The following ANK3 variants were observed in gnomAD, a reference collection of about 807,000 sequenced individuals.
The protein encoded by ANK3 is ankyrin 3, also known as ankyrin-3.
ANK3 carries 57 observed loss-of-function variants against 370.9 expected under a neutral mutation model. That is an observed-to-expected ratio of 0.15 (90% CI 0.12 to 0.19). ANK3 has a LOEUF of 0.19. Among genes scored for constraint, ANK3 ranks in the 10% least tolerant of loss-of-function variants. The pLI is 1.00. For synonymous variants in ANK3, 1,929 were observed against 1,946.3 expected, an observed-to-expected ratio of 0.99 and a Z score of 0.23; for missense variants, 4,439 against 5,302.1, an observed-to-expected ratio of 0.84 and a Z score of 5.06.
chr10:60,603,552 T>TC (rs2078092670), intron 2 of ANK3, among the ~76,000 whole-genome samples: 1 of 152,282 alleles, frequency 6.6e-6, no homozygotes, highest in Admixed American at 6.5e-5. Context: ...CTTCAAATAA[T>TC]TTAAATAGAA....
At chr10:60,569,355 T>C (rs879757345) in intron 2 of ANK3, among the ~76,000 whole-genome samples, 4 of 152,336 alleles carry the variant, frequency 2.6e-5, no homozygotes, top group East Asian at 1.9e-4. Context: ...CTGCCTCAGG[T>C]ACATGATCCC....
chr10:60,723,823 A>C (rs1487948952), intron 1 of ANK3, among the ~76,000 whole-genome samples: 1 of 152,102 alleles, frequency 6.6e-6, no homozygotes, highest in Non-Finnish European at 1.5e-5. Context: ...ATAAATTGAA[A>C]AGCAATCTGA....
At chr10:60,114,121 T>G (rs1244175871) in intron 26 of ANK3, 104 bp downstream of exon 26, 2 of 493,354 alleles carry the variant, frequency 4.1e-6, no homozygotes, top group African/African-American at 2.0e-5. Flanking sequence ...CATACATGAA[T>G]GTATTCATAT....
At chr10:60,436,088 CA>C (rs33919087) in intron 2 of ANK3, among the ~76,000 whole-genome samples, 1 of 145,120 alleles carries the variant, frequency 6.9e-6, no homozygotes, top group African/African-American at 2.5e-5. Flanking sequence ...GACTCCGTCT[CA>C]AAAAAAAATA....
At chr10:60,446,419 T>C (rs116684318) in intron 2 of ANK3, among the ~76,000 whole-genome samples, 1,536 of 152,310 alleles carry the variant, frequency 0.01, 30 homozygotes, top group African/African-American at 0.035. Flanking sequence ...ATATTGCTAG[T>C]GAGCCCCCCC....
chr10:60,152,077 T>C (rs2095148961), intron 23 of ANK3, among the ~76,000 whole-genome samples: 1 of 152,086 alleles, frequency 6.6e-6, no homozygotes, highest in African/African-American at 2.4e-5. Flanking sequence ...GAGACACAGG[T>C]AAATGTGTGG....
chr10:60,684,292 C>T (rs1316604625), intron 1 of ANK3, among the ~76,000 whole-genome samples: 1 of 152,180 alleles, frequency 6.6e-6, no homozygotes, highest in East Asian at 1.9e-4. Context: ...TGGCGCGTCG[C>T]GCCCACCTGG....
intron 2 of ANK3, among the ~76,000 whole-genome samples, chr10:60,538,326 A>T (rs1044595740): frequency 6.6e-6 from 1 of 151,916 alleles, no homozygotes; most frequent in Non-Finnish European, 1.5e-5. Context: ...TTTTCTGTAT[A>T]GTCAGGTGTA....
At chr10:60,096,387 C>T (rs968504238) in intron 28 of ANK3, among the ~76,000 whole-genome samples, 3 of 152,108 alleles carry the variant, frequency 2.0e-5, no homozygotes, top group African/African-American at 7.2e-5. Context: ...TGTTTTGTCC[C>T]ATCCTATACA....
chr10:60,516,279 C>A (rs1206687809), intron 2 of ANK3, among the ~76,000 whole-genome samples: 1 of 151,992 alleles, frequency 6.6e-6, no homozygotes, highest in Non-Finnish European at 1.5e-5. Context: ...TATCAAGAAC[C>A]TTGGCTGAAA....
chr10:60,106,943 A>G (rs2092251952), intron 27 of ANK3, among the ~76,000 whole-genome samples: 1 of 152,166 alleles, frequency 6.6e-6, no homozygotes, highest in African/African-American at 2.4e-5. Context: ...TTATTCTCCT[A>G]CAGAGGTTGT....
In ANK3 at chr10:60,139,057, T is replaced by C. The variant is rs113196400; in HGVS notation, c.2645A>G (p.Lys882Arg). 5.0e-6 allele frequency: 8 copies of C among 1,613,690 alleles called. No homozygotes were observed. Among genetic ancestry groups the C allele is most frequent in the Middle Eastern group, 1.7e-4 (1 of 6,056 alleles). ...GEDAMTGDTDKYLGPQDLKEL... is the reference protein window; with the variant it reads ...GEDAMTGDTDRYLGPQDLKEL... Reference sequence around the variant, plus strand: ...CTTAAGGTCCTGTGGCCCAAGATATTTGTCTGTGTCCCCGGTCATTGCATC... The same window carrying C: ...CTTAAGGTCCTGTGGCCCAAGATATCTGTCTGTGTCCCCGGTCATTGCATC... The change falls in exon 24 of 44, where the codon AAA becomes AGA. Residue 882 changes from lysine to arginine, a missense_variant. Around this residue, in one of 13 missense-constraint regions of ANK3, gnomAD observed 702 missense variants for 941.5 expected, o/e 0.75. Coordinates refer to ENST00000280772, the MANE Select transcript of ANK3 (RefSeq NM_020987.5).
At chr10:60,663,747 T>G (rs1355002036) in intron 1 of ANK3, among the ~76,000 whole-genome samples, 1 of 152,230 alleles carries the variant, frequency 6.6e-6, no homozygotes, top group Non-Finnish European at 1.5e-5. Flanking sequence ...TCTTTCATCT[T>G]TAGTAGGTAG....
At chr10:60,399,801 C>T (rs1169836272) in intron 2 of ANK3, among the ~76,000 whole-genome samples, 1 of 152,132 alleles carries the variant, frequency 6.6e-6, no homozygotes, top group Non-Finnish European at 1.5e-5. Context: ...GTCTTTTCTG[C>T]AGAGGTGGTG....
Position 60,157,091 on chromosome 10 carries a change from G to T in ANK3, c.2614+9500C>A, listed in dbSNP as rs1031221498. ...TCACTCTTGTTGCCCAGGCTGGAGT[G>T]CAGTGGCATGATCTCGGCTCACTGC... On this transcript the variant is annotated intron_variant, in intron 23 of 43. Transcript: ENST00000280772. Among the ~76,000 whole-genome samples the T allele has an allele frequency of 3.3e-5, 5 of 149,758 alleles. No homozygotes were observed. In the East Asian group the frequency reaches 5.9e-4, roughly 18 times the overall value.
chr10:60,168,173 G>T (rs2095674764), intron 21 of ANK3, among the ~76,000 whole-genome samples: 2 of 152,240 alleles, frequency 1.3e-5, no homozygotes, highest in East Asian at 1.9e-4. Context: ...TTACAGACGT[G>T]CATGGCCACG....
chr10:60,206,229 T>C (rs113253064), intron 10 of ANK3, among the ~76,000 whole-genome samples: 5,881 of 152,180 alleles, frequency 0.039, 361 homozygotes, highest in African/African-American at 0.13. Flanking sequence ...TCCCAGCACT[T>C]TGGGAGGCTG....
chr10:60,466,463 C>A (rs1287401877), intron 2 of ANK3, among the ~76,000 whole-genome samples: 1 of 152,142 alleles, frequency 6.6e-6, no homozygotes, highest in Non-Finnish European at 1.5e-5. Context: ...TAAGAAGCCT[C>A]ATACACTGCT....
At chr10:60,662,787 C>T (rs1468491467) in intron 1 of ANK3, among the ~76,000 whole-genome samples, 2 of 152,074 alleles carry the variant, frequency 1.3e-5, no homozygotes, top group African/African-American at 4.8e-5. Context: ...TCTAGCATGT[C>T]GTTGGTGCTC....
Sources: gnomAD v4.1 joint callset for allele counts (sites outside exome capture counted in the v4.1 genomes callset) on GRCh38, gnomAD v4.1.1 for gene constraint, gnomAD v4.1.1 regional missense constraint, MANE v1.5 for transcripts, NCBI Gene and HGNC (gene_info 2026-07-23, HGNC 2026-07-21) for gene names.